Variants in CDH8 observed in about 807,000 individuals in gnomAD.
CDH8 encodes cadherin-8.
CDH8 carries 17 observed loss-of-function variants against 68.1 expected under a neutral mutation model. The ratio of observed to expected loss-of-function variants is 0.25; its 90% confidence interval spans 0.17 to 0.37. The LOEUF (loss-of-function observed/expected upper bound fraction) is 0.37, where lower values mean the gene tolerates loss of function less well. Ranked by LOEUF, CDH8 falls within the 10% of genes least tolerant of loss-of-function variation. CDH8 has a pLI of 1.00. For synonymous variants in CDH8, 372 were observed against 365.1 expected, an observed-to-expected ratio of 1.02 and a Z score of -0.21; for missense variants, 763 against 999.3, an observed-to-expected ratio of 0.76 and a Z score of 3.19.
At chr16:61,703,934 T>TG (rs1267141165) in intron 10 of CDH8, among the ~76,000 whole-genome samples, 1 of 152,214 alleles carries the variant, frequency 6.6e-6, no homozygotes, top group Non-Finnish European at 1.5e-5. Flanking sequence ...TGTGTGTCTG[T>TG]GTGTGTAAAA....
At chr16:61,674,894 G>C (rs540546721) in intron 10 of CDH8, among the ~76,000 whole-genome samples, 1 of 148,964 alleles carries the variant, frequency 6.7e-6, no homozygotes, top group African/African-American at 2.5e-5. Context: ...TGAATTTGAA[G>C]ACATTGCAAT....
At chr16:61,948,483 C>G (rs1964835884) in intron 2 of CDH8, among the ~76,000 whole-genome samples, 1 of 152,148 alleles carries the variant, frequency 6.6e-6, no homozygotes, top group Non-Finnish European at 1.5e-5. Flanking sequence ...CAAAGGTTAT[C>G]TAAATTCATA....
Position 61,713,833 on chromosome 16 carries a change from A to G in CDH8, c.1654+8T>C. The G allele has an allele frequency of 1.5e-6, 2 of 1,377,836 alleles. No individual in the cohort carries two copies. The highest frequency in any genetic ancestry group is 1.2e-5 in the South Asian group (1 of 86,112). 85.4% of individuals were successfully genotyped at this position (1,377,836 alleles called of 1,614,324 possible). ...TTGTACTCTGTTTCACAAAGCTAAT[A>G]TATTTACCTTCATTTTTCTTGATGG... On this transcript the variant is annotated splice_region_variant and intron_variant, in intron 10 of 11. Transcript: ENST00000577390.
intron 7 of CDH8, among the ~76,000 whole-genome samples, chr16:61,802,074 G>A (rs1961658205): frequency 7.0e-6 from 1 of 143,758 alleles, no homozygotes; most frequent in Non-Finnish European, 1.5e-5. Flanking sequence ...CTGTCTGACA[G>A]CTTTGAAGAG....
intron 2 of CDH8, among the ~76,000 whole-genome samples, chr16:62,015,880 C>G (rs998574415): frequency 1.3e-5 from 2 of 152,054 alleles, no homozygotes; most frequent in African/African-American, 4.8e-5. Flanking sequence ...ATGCTGGCAC[C>G]CTGATCTTAA....
At chr16:61,784,728 A>C (rs942700897) in intron 8 of CDH8, among the ~76,000 whole-genome samples, 2 of 149,928 alleles carry the variant, frequency 1.3e-5, no homozygotes, top group Admixed American at 1.3e-4. Flanking sequence ...AGAAATTATA[A>C]CAAACTGTCT....
At position 61,826,217 on chromosome 16, in the gene CDH8, T is replaced by C. The variant is rs573119102; in HGVS notation, c.668-1038A>G. Among the ~76,000 whole-genome samples the C allele has an allele frequency of 4.7e-4, 72 of 152,024 alleles. No homozygotes were observed. In the South Asian group the frequency reaches 0.015, roughly 31 times the overall value. On this transcript the variant is annotated intron_variant, in intron 4 of 11. Coordinates refer to ENST00000577390, the MANE Select transcript of CDH8 (RefSeq NM_001796.5). ...TGTTTTTGAAAAACTTCCTTGTCACTGCATAGAAGTTCACCTCATTACTTC... is the reference window on the plus strand; with the variant it reads ...TGTTTTTGAAAAACTTCCTTGTCACCGCATAGAAGTTCACCTCATTACTTC...
chr16:61,696,116 C>G (rs953065007), intron 10 of CDH8, among the ~76,000 whole-genome samples: 2 of 152,176 alleles, frequency 1.3e-5, no homozygotes, highest in African/African-American at 2.4e-5. Flanking sequence ...TTCTGAGAGC[C>G]ATTCTCTACT....
rs11640658 is a variant in CDH8 at position 61,754,828 on chromosome 16, A to G, written c.1415-27613T>C. ...TATGCAGGTTACCTGGGTATATTGTATGATGTGATGCTGAGATTTGGGGTA... is the reference window on the plus strand; with the variant it reads ...TATGCAGGTTACCTGGGTATATTGTGTGATGTGATGCTGAGATTTGGGGTA... On this transcript the variant is annotated intron_variant, in intron 8 of 11. Transcript: ENST00000577390. Among the ~76,000 whole-genome samples, 450 of 152,186 alleles carry G rather than the reference A, an allele frequency of 3.0e-3. 2 individuals are homozygous for G. The highest frequency in any genetic ancestry group is 5.0e-3 in the Non-Finnish European group (342 of 68,014).
chr16:61,823,541 C>CT (rs1475985313), intron 5 of CDH8, among the ~76,000 whole-genome samples: 4 of 151,900 alleles, frequency 2.6e-5, no homozygotes, highest in African/African-American at 7.2e-5. Flanking sequence ...GGGCTACCAT[C>CT]ACCTTTTATG....
At chr16:61,888,025 G>T (rs953405930) in intron 3 of CDH8, among the ~76,000 whole-genome samples, 1 of 152,122 alleles carries the variant, frequency 6.6e-6, no homozygotes, top group Non-Finnish European at 1.5e-5. Context: ...TCTGGCATGA[G>T]ACGTTGGAAG....
Position 61,653,108 on chromosome 16 carries a change from A to C in CDH8, c.*500T>G, listed in dbSNP as rs757208957. ...ATCTAGGAGGCCTCTCAAAACTCCA[A>C]AAAGTTATAATGTACAGCAGACCAA... On this transcript the variant is annotated 3_prime_UTR_variant, in exon 12 of 12. Coordinates refer to ENST00000577390, the MANE Select transcript of CDH8 (RefSeq NM_001796.5). 1 of 1,257,534 alleles carries C rather than the reference A, an allele frequency of 8.0e-7. No homozygotes were observed. Among genetic ancestry groups the C allele is most frequent in the South Asian group, 3.5e-5 (1 of 28,952 alleles). 77.9% of individuals were successfully genotyped at this position (1,257,534 alleles called of 1,614,324 possible). A position where few individuals can be genotyped will look rare whatever the true frequency, so the allele number is the denominator to read the frequency against.
intron 3 of CDH8, among the ~76,000 whole-genome samples, chr16:61,889,950 T>C (rs368012849): frequency 4.6e-5 from 7 of 152,304 alleles, no homozygotes; most frequent in South Asian, 4.1e-4. Context: ...ATTTTTCTTA[T>C]GATAAGTGCA....
At chr16:61,787,239 T>C (rs900023330) in intron 8 of CDH8, among the ~76,000 whole-genome samples, 17 of 148,368 alleles carry the variant, frequency 1.1e-4, no homozygotes, top group African/African-American at 4.2e-4. Context: ...CAAACAAATT[T>C]ACAAGAAAAA....
intron 3 of CDH8, among the ~76,000 whole-genome samples, chr16:61,868,648 C>T (rs1381264025): frequency 1.3e-5 from 2 of 152,056 alleles, no homozygotes; most frequent in Non-Finnish European, 2.9e-5. Flanking sequence ...CACATTATCA[C>T]ACGAGATCAA....
chr16:61,754,296 T>C (rs910836513), intron 8 of CDH8, among the ~76,000 whole-genome samples: 1 of 152,158 alleles, frequency 6.6e-6, no homozygotes, highest in Admixed American at 6.6e-5. Context: ...TTATTACTGA[T>C]CCTTGATATT....
At chr16:61,671,028 T>G (rs1005617973) in intron 10 of CDH8, among the ~76,000 whole-genome samples, 5 of 152,056 alleles carry the variant, frequency 3.3e-5, no homozygotes, top group Non-Finnish European at 7.4e-5. Flanking sequence ...AACTATTGCA[T>G]CTGATCCACC....
intron 4 of CDH8, among the ~76,000 whole-genome samples, chr16:61,851,664 A>C (rs1315325815): frequency 2.0e-5 from 3 of 147,148 alleles, no homozygotes; most frequent in Non-Finnish European, 4.6e-5. Context: ...GAAAACAAAA[A>C]AAAAACATTT....
At chr16:61,775,128 C>A (rs1960871639) in intron 8 of CDH8, among the ~76,000 whole-genome samples, 1 of 152,002 alleles carries the variant, frequency 6.6e-6, no homozygotes, top group African/African-American at 2.4e-5. Context: ...TTTTGGGAGG[C>A]CGAAGCAGGT....
Sources: allele counts gnomAD v4.1 joint callset (sites outside exome capture counted in the v4.1 genomes callset), GRCh38; gene constraint gnomAD v4.1.1; transcripts MANE v1.5; gene names NCBI Gene and HGNC (gene_info 2026-07-23, HGNC 2026-07-21).